The following VARS1 variants were observed in gnomAD, a reference collection of about 807,000 sequenced individuals.
VARS1 encodes the protein valyl-tRNA synthetase 1.
VARS1 carries 92 observed loss-of-function variants against 161.0 expected under a neutral mutation model. That is an observed-to-expected ratio of 0.57 (90% confidence interval 0.48 to 0.68). The LOEUF (loss-of-function observed/expected upper bound fraction) is 0.68. Among genes scored for constraint, VARS1 ranks in the 30% least tolerant of loss-of-function variants. The pLI is 0.00. For missense variants in VARS1, 1,338 were observed against 1,695.9 expected, an observed-to-expected ratio of 0.79 and a Z score of 3.71; for synonymous variants, 595 against 682.5, an observed-to-expected ratio of 0.87 and a Z score of 2.00.
In VARS1 at chr6:31,780,900, G is replaced by A. The variant is rs777169124; in HGVS notation, c.2688C>T (p.Pro896=). Reference sequence around the variant, plus strand: ...CTTCTTTGGCCTTCTCCACCTCGCTGGGATCCAGGTTGCTGTTCAGCAGCT... The same window carrying A: ...CTTCTTTGGCCTTCTCCACCTCGCTAGGATCCAGGTTGCTGTTCAGCAGCT... ...HNQLLNSNLD[P]SEVEKAKEGQ... Residue 896 remains proline, a synonymous_variant, in exon 23 of 30, where the codon CCC becomes CCT. Transcript: ENST00000375663. The surrounding 1 kb of genome is among the most constrained non-coding windows in gnomAD (Gnocchi z 5.1). 1 of 1,614,184 alleles carries A rather than the reference G, an allele frequency of 6.2e-7. No individual in the cohort carries two copies. The highest frequency in any genetic ancestry group is 8.5e-7 in the Non-Finnish European group (1 of 1,180,020).
In VARS1 at chr6:31,782,808, G is replaced by A. The variant is rs749904555; in HGVS notation, c.1800C>T (p.Asp600=). The A allele has an allele frequency of 1.2e-6, 2 of 1,612,844 alleles. No homozygotes were observed. The highest frequency in any genetic ancestry group is 1.3e-5 in the African/African-American group (1 of 74,932). The part of the protein sequence containing the change: ...VKITPAHDQN[D]YEVGQRHGLE... ...GCCCGTGCCGCTGCCCAACTTCATA[G>A]TCATTTTGGTCATGTGCGGGGGTGA... The change falls in exon 15 of 30, where the codon GAC becomes GAT. Residue 600 remains aspartate, a synonymous_variant. Transcript: ENST00000375663. This position sits in a 1 kb window ranked among gnomAD's most constrained non-coding sequence, Gnocchi z 8.3.
chr6:31,779,697 C>T lies in VARS1; in HGVS notation c.3199G>A (p.Val1067Met), dbSNP rs751290514. 4.3e-6 allele frequency: 7 copies of T among 1,612,894 alleles called. No homozygotes were observed. Among genetic ancestry groups the T allele is most frequent in the Admixed American group, 1.7e-5 (1 of 60,010 alleles). Residue 1067 changes from valine (V) to methionine (M), a missense_variant, in exon 27 of 30, where the codon GTG (valine) becomes ATG (methionine). Physicochemically the swap from Val to Met is conservative, Grantham distance 21 (BLOSUM62 1). This residue lies in a region of VARS1 where 433 missense variants were observed against 586.2 expected (regional missense o/e 0.74). Coordinates refer to ENST00000375663, the MANE Select transcript of VARS1 (RefSeq NM_006295.3). This position sits in a 1 kb window ranked among gnomAD's most constrained non-coding sequence, Gnocchi z 9.1. ...AGCCTCTGGAACAGCTCCTCCGTCACGAAGGGCATGAAGGGTGAGAGCAGC... is the reference window on the plus strand; with the variant it reads ...AGCCTCTGGAACAGCTCCTCCGTCATGAAGGGCATGAAGGGTGAGAGCAGC... ...LRLLSPFMPF[V>M]TEELFQRLPR...
chr6:31,785,247 G>C lies in VARS1; in HGVS notation c.1346C>G (p.Pro449Arg). ...DWDRACFTMDPKLSAAVTEAF... is the reference protein window; with the variant it reads ...DWDRACFTMDRKLSAAVTEAF... ...AGCTTTGACACTCCTCCCACGCACA[G>C]GGTCCATGGTGAAACAGGCTCGATC... The change falls in exon 10 of 30, where the codon CCT becomes CGT. Residue 449 changes from proline (P) to arginine (R), a missense_variant and splice_region_variant. Coordinates refer to ENST00000375663, the MANE Select transcript of VARS1 (RefSeq NM_006295.3). The surrounding 1 kb of genome is among the most constrained non-coding windows in gnomAD (Gnocchi z 6.1). 6.2e-7 allele frequency: 1 copy of C among 1,613,080 alleles called. No individual in the cohort carries two copies. Among genetic ancestry groups the C allele is most frequent in the Non-Finnish European group, 8.5e-7 (1 of 1,180,022 alleles).
At position 31,782,052 on chromosome 6, in the gene VARS1, G is replaced by T; in HGVS notation, c.2241+35C>A. On this transcript the variant is annotated intron_variant, in intron 18 of 29. Transcript: ENST00000375663. The surrounding 1 kb of genome is among the most constrained non-coding windows in gnomAD (Gnocchi z 8.3). ...CCCAGTAAACCCACCACTCCAGCAG[G>T]GTGTCCCAGCAGCTAGCTCTGGCCC... The T allele has an allele frequency of 6.2e-7, 1 of 1,612,482 alleles. No individual in the cohort carries two copies. The highest frequency in any genetic ancestry group is 1.1e-5 in the South Asian group (1 of 91,048).
rs766444084 is a variant in VARS1 at position 31,784,334 on chromosome 6, C to T, written c.1577-26G>A. On this transcript the variant is annotated intron_variant, in intron 12 of 29. Transcript: ENST00000375663. The surrounding 1 kb of genome is among the most constrained non-coding windows in gnomAD (Gnocchi z 6.1). ...CTGGGGTGACAGAAGGCCTTGTGGTCTTGGCCTTGGCCCCTTCCTGCCACT... is the reference window on the plus strand; with the variant it reads ...CTGGGGTGACAGAAGGCCTTGTGGTTTTGGCCTTGGCCCCTTCCTGCCACT... The T allele has an allele frequency of 6.2e-7, 1 of 1,614,108 alleles. No individual in the cohort carries two copies. The highest frequency in any genetic ancestry group is 8.5e-7 in the Non-Finnish European group (1 of 1,180,042).
In VARS1 at chr6:31,781,048, G is replaced by C. The variant is rs771606736; in HGVS notation, c.2620C>G (p.Leu874Val). Reference sequence around the variant, plus strand: ...AGGGAGATTCCATAGATGACGTCCAGGGGATCGATGACATTGCCTAGAGAC... The same window carrying C: ...AGGGAGATTCCATAGATGACGTCCACGGGATCGATGACATTGCCTAGAGAC... ...SKSLGNVIDP[L>V]DVIYGISLQG... The change falls in exon 22 of 30, where the codon CTG (leucine) becomes GTG (valine). Residue 874 changes from leucine (L) to valine (V), a missense_variant. By Grantham distance (32) the Leu-to-Val change is conservative. Coordinates refer to ENST00000375663, the MANE Select transcript of VARS1 (RefSeq NM_006295.3). The surrounding 1 kb of genome is among the most constrained non-coding windows in gnomAD (Gnocchi z 6.8). The C allele has an allele frequency of 2.5e-6, 4 of 1,613,814 alleles. No individual in the cohort carries two copies. The highest frequency in any genetic ancestry group is 1.1e-5 in the South Asian group (1 of 91,094).
At position 31,780,413 on chromosome 6, in the gene VARS1, C is replaced by A. The variant is rs112103383; in HGVS notation, c.2925+28G>T. The A allele has an allele frequency of 6.2e-7, 1 of 1,603,884 alleles. No individual in the cohort carries two copies. Among genetic ancestry groups the A allele is most frequent in the Non-Finnish European group, 8.5e-7 (1 of 1,175,004 alleles). On this transcript the variant is annotated intron_variant, in intron 25 of 29. Transcript: ENST00000375663. The surrounding 1 kb of genome is among the most constrained non-coding windows in gnomAD (Gnocchi z 5.1). ...AGGGGTACAGCCTGTGTGAGTGCTGCCAGCTTTGCTGCCCACCAGGCCCTT... is the reference window on the plus strand; with the variant it reads ...AGGGGTACAGCCTGTGTGAGTGCTGACAGCTTTGCTGCCCACCAGGCCCTT...
rs138074588 is a variant in VARS1, at chr6:31,792,986, G to A, written c.522C>T (p.Tyr174=). Residue 174 remains tyrosine (Y), a splice_region_variant and synonymous_variant, in exon 3 of 30, where the codon TAC becomes TAT. Transcript: ENST00000375663. ...TTCTTCCCCAGGCCTGGTGACTCAC[G>A]TATCGGAAAGGCAGCAGCAAGGCTG... ...AVTALLLPFR[Y]VLDPPARRIW... 390 of 1,613,688 alleles carry A rather than the reference G, an allele frequency of 2.4e-4. 4 individuals carry two copies. The East Asian group carries it at 8.3e-3, about 34-fold the overall frequency.
chr6:31,788,241 C>T (rs1813633392), intron 8 of VARS1, among the ~76,000 whole-genome samples: 1 of 152,152 alleles, frequency 6.6e-6, no homozygotes, highest in African/African-American at 2.4e-5. Flanking sequence ...GTGGCTCATG[C>T]CTGTCATCCT....
At position 31,785,895 on chromosome 6, in the gene VARS1, G is replaced by A. The variant is rs1247792128; in HGVS notation, c.1101-162C>T. ...AATCCCAGAACTTTGGGAGGCTGAG[G>A]TGGGTGGATCACCTCAGGTGGGGGA... On this transcript the variant is annotated intron_variant, in intron 8 of 29. Coordinates refer to ENST00000375663, the MANE Select transcript of VARS1 (RefSeq NM_006295.3). The surrounding 1 kb of genome is among the most constrained non-coding windows in gnomAD (Gnocchi z 6.1). 1.3e-5 allele frequency among the ~76,000 whole-genome samples: 2 copies of A among 152,346 alleles called. No homozygotes were observed. The highest frequency in any genetic ancestry group is 1.9e-4 in the East Asian group (1 of 5,188).
In VARS1 at chr6:31,784,806, AG is replaced by A; in HGVS notation, c.1348-93del. 2 of 1,577,186 alleles carry A rather than the reference AG, an allele frequency of 1.3e-6. No homozygotes were observed. The highest frequency in any genetic ancestry group is 1.7e-6 in the Non-Finnish European group (2 of 1,158,794). On this transcript the variant is annotated intron_variant, in intron 10 of 29. Coordinates refer to ENST00000375663, the MANE Select transcript of VARS1 (RefSeq NM_006295.3). This position sits in a 1 kb window ranked among gnomAD's most constrained non-coding sequence, Gnocchi z 6.1. ...GGCTCCAGTGAGGCCTTGCCCATAC[AG>A]AGTCCCACTGGCCAGCACAAAGACC... is the stretch of plus-strand genomic sequence containing the variant.
intron 4 of VARS1, 106 bp from the exon 5 acceptor site, chr6:31,792,622 C>G (rs1813954623): frequency 6.3e-6 from 10 of 1,593,946 alleles, no homozygotes; most frequent in Non-Finnish European, 8.5e-6. Flanking sequence ...CTTGCCCATG[C>G]TGACCTCCCC....
At position 31,793,096 on chromosome 6, in the gene VARS1, C is replaced by A. The variant is rs1259881363; in HGVS notation, c.412G>T (p.Ala138Ser). Reference sequence around the variant, plus strand: ...AGCCACTCCTCCAAGGGGCTCAGGGCCCTGCCCAGGGCCCCCAGCACAGCC... The same window carrying A: ...AGCCACTCCTCCAAGGGGCTCAGGGACCTGCCCAGGGCCCCCAGCACAGCC... Reference protein sequence around the residue: ...PQAVLGALGRALSPLEEWLRL... With the variant: ...PQAVLGALGRSLSPLEEWLRL... The change falls in exon 3 of 30, where the codon GCC (alanine) becomes TCC (serine). Residue 138 changes from alanine to serine, a missense_variant. This residue lies in a region of VARS1 where 902 missense variants were observed against 1,090.3 expected (regional missense o/e 0.83). Coordinates refer to ENST00000375663, the MANE Select transcript of VARS1 (RefSeq NM_006295.3). The A allele has an allele frequency of 6.2e-7, 1 of 1,607,156 alleles. No homozygotes were observed. The highest frequency in any genetic ancestry group is 2.2e-5 in the East Asian group (1 of 44,858).
chr6:31,782,739 A>G lies in VARS1; in HGVS notation c.1869T>C (p.Asn623=). Residue 623 remains asparagine (N), a synonymous_variant, in exon 15 of 30, where the codon AAT becomes AAC. Transcript: ENST00000375663. This position sits in a 1 kb window ranked among gnomAD's most constrained non-coding sequence, Gnocchi z 8.3. ...SIMDSRGALI[N]VPPPFLGLPR... ...GCCTCACCAGGAAAGGCGGAGGCAC[A>G]TTGATGAGGGCCCCCCGGGAGTCCA... The G allele has an allele frequency of 3.1e-6, 5 of 1,613,004 alleles. No homozygotes were observed. The highest frequency in any genetic ancestry group is 4.2e-6 in the Non-Finnish European group (5 of 1,180,002).
Position 31,793,114 on chromosome 6 carries a change from G to A in VARS1, c.394C>T (p.Leu132=). 6.3e-7 allele frequency: 1 copy of A among 1,591,836 alleles called. No individual in the cohort carries two copies. The highest frequency in any genetic ancestry group is 8.5e-7 in the Non-Finnish European group (1 of 1,174,430). The change falls in exon 3 of 30, where the codon CTG becomes TTG. Residue 132 remains leucine (L), a synonymous_variant. Transcript: ENST00000375663. The part of the protein sequence containing the change: ...RSSAQDPQAV[L]GALGRALSPL... ...CTCAGGGCCCTGCCCAGGGCCCCCA[G>A]CACAGCCTGGCAGGAAGGGGAAGAA...
intron 4 of VARS1, 88 bp from the exon 5 acceptor site, chr6:31,792,604 C>A: frequency 6.2e-7 from 1 of 1,602,988 alleles, no homozygotes; most frequent in Non-Finnish European, 8.5e-7. Flanking sequence ...ATTTTAGATG[C>A]CCGAGGTCTT....
Position 31,778,867 on chromosome 6 carries a change from G to A in VARS1, c.3726+100C>T, listed in dbSNP as rs1048291136. On this transcript the variant is annotated intron_variant, in intron 29 of 29. Coordinates refer to ENST00000375663, the MANE Select transcript of VARS1 (RefSeq NM_006295.3). The surrounding 1 kb of genome is among the most constrained non-coding windows in gnomAD (Gnocchi z 5.1). ...AACAAAGAAATCTGTAACTGGTTAC[G>A]ATCAATTAGTTGTCAACACCACTGC... 1.4e-6 allele frequency: 2 copies of A among 1,469,034 alleles called. No individual in the cohort carries two copies. The highest frequency in any genetic ancestry group is 1.9e-6 in the Non-Finnish European group (2 of 1,069,518). The allele number at this position is 1,469,034 out of a possible 1,614,324, so 91.0% of individuals were successfully genotyped here. A position where few individuals can be genotyped will look rare whatever the true frequency, so the allele number is the denominator to read the frequency against.
At position 31,781,482 on chromosome 6, in the gene VARS1, T is replaced by C. The variant is rs1383041669; in HGVS notation, c.2543A>G (p.Glu848Gly). 1 of 1,612,088 alleles carries C rather than the reference T, an allele frequency of 6.2e-7. No homozygotes were observed. Residue 848 changes from glutamate (E) to glycine (G), a missense_variant and splice_region_variant, in exon 21 of 30, where the codon GAG (glutamate) becomes GGG (glycine). By Grantham distance (98) the Glu-to-Gly change is moderately conservative. This residue lies in a region of VARS1 where 433 missense variants were observed against 586.2 expected (regional missense o/e 0.74). Transcript: ENST00000375663. This position sits in a 1 kb window ranked among gnomAD's most constrained non-coding sequence, Gnocchi z 6.8. ...GGAGGGTCTCGGCTGTCTCCGCACC[T>C]CTCTAAAGGGCAGCCTGCCCGTGAG... ...LKLTGRLPFR[E>G]VYLHAIVRDA...
At position 31,777,812 on chromosome 6, in the gene VARS1, C is replaced by T; in HGVS notation, c.3727-150G>A. ...GAACCTGGCTGGCCTGGCTCCCCAC[C>T]CATTCCCACCAGCACCCCCACTTCC... is the stretch of plus-strand genomic sequence containing the variant. On this transcript the variant is annotated intron_variant, in intron 29 of 29. Coordinates refer to ENST00000375663, the MANE Select transcript of VARS1 (RefSeq NM_006295.3). This position sits in a 1 kb window ranked among gnomAD's most constrained non-coding sequence, Gnocchi z 5.8. 1.3e-6 allele frequency: 1 copy of T among 779,348 alleles called. No homozygotes were observed. Among genetic ancestry groups the T allele is most frequent in the Non-Finnish European group, 2.1e-6 (1 of 476,072 alleles). The allele number at this position is 779,348 out of a possible 1,614,324, so 48.3% of individuals were successfully genotyped here. A position where few individuals can be genotyped will look rare whatever the true frequency, so the allele number is the denominator to read the frequency against.
Sources: gnomAD v4.1 joint callset for allele counts (sites outside exome capture counted in the v4.1 genomes callset) on GRCh38, gnomAD v4.1.1 for gene constraint, gnomAD v4.1.1 regional missense constraint, Gnocchi (gnomAD v3.1) non-coding constraint, MANE v1.5 for transcripts, NCBI Gene and HGNC (gene_info 2026-07-23, HGNC 2026-07-21) for gene names.